Variants in HUWE1 observed in about 807,000 individuals in gnomAD.
The protein encoded by HUWE1 is HECT, UBA and WWE domain containing E3 ubiquitin protein ligase 1.
In HUWE1, 18 loss-of-function variants were observed where a neutral mutation model predicts 299.4. The ratio of observed to expected loss-of-function variants is 0.06; its 90% confidence interval spans 0.04 to 0.09. HUWE1 has a LOEUF of 0.09. HUWE1 is among the 10% of genes least tolerant of loss of function. HUWE1 has a pLI of 1.00. For synonymous variants in HUWE1, 1,317 were observed against 1,286.1 expected (o/e 1.02, Z -0.51); for missense variants, 1,832 against 3,462.3 (o/e 0.53, Z 11.82).
intron 7 of HUWE1, among the ~76,000 whole-genome samples, chrX:53,642,620 T>A (rs186138963): frequency 4.4e-5 from 5 of 112,380 alleles, no homozygotes; most frequent in African/African-American, 1.6e-4. Flanking sequence ...ATGAACAATG[T>A]ATGAGGGTTC....
In HUWE1 at chrX:53,557,366, A is replaced by G. The variant is rs1556936048; in HGVS notation, c.8206+16T>C. The G allele has an allele frequency of 8.4e-7, 1 of 1,196,493 alleles. No homozygotes were observed. Among genetic ancestry groups the G allele is most frequent in the South Asian group, 1.8e-5 (1 of 56,678 alleles). ...CCAATTGATTAGTAAGAAGGGAGAA[A>G]GGGAAGGAGAGTTACCTGAGAGATT... On this transcript the variant is annotated intron_variant, in intron 60 of 83. Transcript: ENST00000262854.
At chrX:53,665,960 G>C (rs1557047384) in intron 3 of HUWE1, among the ~76,000 whole-genome samples, 1 of 111,113 alleles carries the variant, frequency 9.0e-6, no homozygotes, top group East Asian at 2.8e-4. Flanking sequence ...CCCGAGACCA[G>C]CCTGGGCCAC....
intron 7 of HUWE1, among the ~76,000 whole-genome samples, chrX:53,639,387 T>G (rs1557028889): frequency 9.0e-6 from 1 of 111,650 alleles, no homozygotes; most frequent in African/African-American, 3.3e-5. Context: ...TAATGTAGCA[T>G]CATTCATAAC....
Position 53,679,778 on chromosome X carries a change from C to G in HUWE1, c.-25+271G>C, listed in dbSNP as rs187471170. Among the ~76,000 whole-genome samples the G allele has an allele frequency of 1.8e-3, 203 of 112,235 alleles. 1 individual carries two copies. Among genetic ancestry groups the G allele is most frequent in the African/African-American group, 6.0e-3 (187 of 30,933 alleles). On this transcript the variant is annotated intron_variant, in intron 3 of 83. Coordinates refer to ENST00000262854, the MANE Select transcript of HUWE1 (RefSeq NM_031407.7). ...AAATTTTTCGTAACTTTAATAAGAA[C>G]TGGTTAGACATAATGACTTGCAATT...
chrX:53,545,196 A>C, intron 70 of HUWE1, 35 bp from the exon 71 acceptor site: 1 of 1,198,738 alleles, frequency 8.3e-7, no homozygotes, highest in Non-Finnish European at 1.1e-6. Flanking sequence ...GTGTTCAGAG[A>C]CTCCCCTGGT....
At position 53,534,689 on chromosome X, in the gene HUWE1, G is replaced by A. The variant is rs782063282; in HGVS notation, c.12658C>T (p.Arg4220Cys). Residue 4220 changes from arginine (R) to cysteine (C), a missense_variant, in exon 82 of 84, where the codon CGC (arginine) becomes TGC (cysteine). Transcript: ENST00000262854. ...TCTAAGAAAGCCGCCAACTGCTTGCGGATGGCTCCTGGTGAGATAACCAAA... is the reference window on the plus strand; with the variant it reads ...TCTAAGAAAGCCGCCAACTGCTTGCAGATGGCTCCTGGTGAGATAACCAAA... ...VCQMRMTGAI[R>C]KQLAAFLEGF... 1 of 1,210,081 alleles carries A rather than the reference G, an allele frequency of 8.3e-7. No homozygotes were observed. The highest frequency in any genetic ancestry group is 1.8e-5 in the South Asian group (1 of 56,858).
intron 53 of HUWE1, among the ~76,000 whole-genome samples, chrX:53,562,526 C>T (rs782388739): frequency 9.0e-6 from 1 of 111,548 alleles, no homozygotes; most frequent in East Asian, 2.8e-4. Flanking sequence ...CTGGTGCCCC[C>T]TTGCCTTTTC....
chrX:53,572,914 C>T (rs2062904179), intron 47 of HUWE1, among the ~76,000 whole-genome samples: 1 of 111,174 alleles, frequency 9.0e-6, no homozygotes, highest in Non-Finnish European at 1.9e-5. Context: ...CCACCCCATT[C>T]TATTTTCTTG....
rs891713573 is a variant in HUWE1, at chrX:53,565,924, T to C, written c.6708-685A>G. 2.8e-5 allele frequency among the ~76,000 whole-genome samples: 3 copies of C among 108,650 alleles called. No homozygotes were observed. The East Asian group carries it at 8.6e-4, about 31-fold the overall frequency. 94.3% of individuals were successfully genotyped at this position (108,650 alleles called of 115,157 possible). On this transcript the variant is annotated intron_variant, in intron 49 of 83. Transcript: ENST00000262854. ...GTTTGAAGTCCTGTGAATTTCAAAT[T>C]ATACTCTGTAGGGCTTCCTAGAGTT...
chrX:53,589,197 C>T (rs2064018913), intron 36 of HUWE1, among the ~76,000 whole-genome samples: 2 of 112,022 alleles, frequency 1.8e-5, no homozygotes, highest in African/African-American at 6.5e-5. Context: ...TATCAGGTCA[C>T]AAGTATTCAT....
intron 3 of HUWE1, among the ~76,000 whole-genome samples, chrX:53,670,823 T>C (rs1235654654): frequency 8.9e-6 from 1 of 111,787 alleles, no homozygotes; most frequent in East Asian, 2.8e-4. Context: ...TATATGTCTA[T>C]GTATATACGT....
At chrX:53,551,214 G>A (rs898450326) in intron 64 of HUWE1, 25 bp from the exon 65 acceptor site, 6 of 1,209,411 alleles carry the variant, frequency 5.0e-6, no homozygotes, top group Admixed American at 4.4e-5. Flanking sequence ...AAGTCAATGA[G>A]GGCATTTCTC....
At chrX:53,539,187 T>G in intron 75 of HUWE1, 107 bp from the exon 76 acceptor site, 27 of 824,643 alleles carry the variant, frequency 3.3e-5, no homozygotes, top group Non-Finnish European at 4.0e-5. Flanking sequence ...GAAGAAGAAA[T>G]AGTGAAAACT....
Position 53,543,788 on chromosome X carries a change from G to C in HUWE1, c.11379+53C>G. ...AATGAAACCCCACTGATGACATGGT[G>C]GGGGGATGAGTGGAGAGACAAATGA... On this transcript the variant is annotated intron_variant, in intron 73 of 83. Coordinates refer to ENST00000262854, the MANE Select transcript of HUWE1 (RefSeq NM_031407.7). 2.5e-6 allele frequency: 3 copies of C among 1,206,834 alleles called. No homozygotes were observed. In the East Asian group the frequency reaches 8.9e-5, roughly 36 times the overall value.
In HUWE1 at chrX:53,536,493, G is replaced by C. The variant is rs2061071577; in HGVS notation, c.12312C>G (p.Leu4104=). The C allele has an allele frequency of 8.3e-7, 1 of 1,211,514 alleles. No homozygotes were observed. Among genetic ancestry groups the C allele is most frequent in the South Asian group, 1.8e-5 (1 of 56,981 alleles). Residue 4104 remains leucine, a synonymous_variant, in exon 79 of 84, where the codon CTC becomes CTG. Transcript: ENST00000262854. ...TGCGTCCGACAAACTTGAAGTAGCTGAGGTGGTTGGGGTTGCAGTGGGAAG... is the reference window on the plus strand; with the variant it reads ...TGCGTCCGACAAACTTGAAGTAGCTCAGGTGGTTGGGGTTGCAGTGGGAAG... ...NPSSHCNPNH[L]SYFKFVGRIV...
intron 55 of HUWE1, among the ~76,000 whole-genome samples, chrX:53,560,727 G>A (rs1266641764): frequency 1.8e-5 from 2 of 111,475 alleles, no homozygotes; most frequent in Non-Finnish European, 3.8e-5. Flanking sequence ...CTCCTCTCCC[G>A]CTTCTTTACC....
intron 49 of HUWE1, among the ~76,000 whole-genome samples, chrX:53,567,534 GA>G (rs2062631540): frequency 9.0e-6 from 1 of 111,564 alleles, no homozygotes; most frequent in Non-Finnish European, 1.9e-5. Context: ...TAAATAGAAA[GA>G]AATTAAGTTT....
rs1022463666 is a variant in HUWE1, at chrX:53,538,905, G to A, written c.11808C>T (p.Ser3936=). The A allele has an allele frequency of 1.7e-6, 2 of 1,206,579 alleles. No individual in the cohort carries two copies. The highest frequency in any genetic ancestry group is 4.4e-5 in the Admixed American group (2 of 45,676). ...ATPSSLDPFF[S]REPSSMHISS... Reference sequence around the variant, plus strand: ...AGATGTGCATAGATGAGGGCTCCCGGGAGAAGAATGGGTCAAGGGAGGAAG... The same window carrying A: ...AGATGTGCATAGATGAGGGCTCCCGAGAGAAGAATGGGTCAAGGGAGGAAG... The change falls in exon 76 of 84, where the codon TCC becomes TCT. Residue 3936 remains serine, a synonymous_variant. Coordinates refer to ENST00000262854, the MANE Select transcript of HUWE1 (RefSeq NM_031407.7).
At position 53,565,451 on chromosome X, in the gene HUWE1, A is replaced by G. The variant is rs192020120; in HGVS notation, c.6708-212T>C. 1.2e-4 allele frequency among the ~76,000 whole-genome samples: 13 copies of G among 111,600 alleles called. No individual in the cohort carries two copies. In the East Asian group the frequency reaches 3.4e-3, roughly 29 times the overall value. On this transcript the variant is annotated intron_variant, in intron 49 of 83. Transcript: ENST00000262854. ...TAAAAGCAAGAGTTAAATCAATGCC[A>G]TATTTCATGGGGCCATGGAAAGCAC...
Sources: gnomAD v4.1 joint callset for allele counts (sites outside exome capture counted in the v4.1 genomes callset) on GRCh38, gnomAD v4.1.1 for gene constraint, MANE v1.5 for transcripts, NCBI Gene and HGNC (gene_info 2026-07-23, HGNC 2026-07-21) for gene names.